Variants in C8orf34 observed in about 807,000 individuals in gnomAD.
The protein encoded by C8orf34 is uncharacterized protein C8orf34.
C8orf34 carries 65 observed loss-of-function variants against 68.3 expected under a neutral mutation model. The observed-to-expected ratio is 0.95, with a 90% confidence interval of 0.78 to 1.17. The LOEUF (loss-of-function observed/expected upper bound fraction) is 1.17. C8orf34 is among the 50% of genes most tolerant of loss of function. C8orf34 has a pLI of 0.00. For synonymous variants in C8orf34, 244 were observed against 241.2 expected, an observed-to-expected ratio of 1.01 and a Z score of -0.11; for missense variants, 664 against 655.4, an observed-to-expected ratio of 1.01 and a Z score of -0.14.
At chr8:68,614,981 G>C (rs1399249845) in intron 7 of C8orf34, among the ~76,000 whole-genome samples, 1 of 152,182 alleles carries the variant, frequency 6.6e-6, no homozygotes, top group Non-Finnish European at 1.5e-5. Context: ...GTGGTTTGCA[G>C]TTCTCCTTGA....
intron 5 of C8orf34, among the ~76,000 whole-genome samples, chr8:68,502,078 AT>A (rs1813798441): frequency 6.6e-6 from 1 of 151,910 alleles, no homozygotes; most frequent in South Asian, 2.1e-4. Flanking sequence ...TTGATTGTTT[AT>A]TCGTTTTTTG....
At chr8:68,449,676 A>G (rs1811265583) in intron 3 of C8orf34, among the ~76,000 whole-genome samples, 1 of 152,138 alleles carries the variant, frequency 6.6e-6, no homozygotes, top group Non-Finnish European at 1.5e-5. Context: ...AACAATGTAC[A>G]TATTTTAAAT....
At chr8:68,690,415 A>T (rs889806932) in intron 8 of C8orf34, among the ~76,000 whole-genome samples, 3 of 152,064 alleles carry the variant, frequency 2.0e-5, no homozygotes, top group Non-Finnish European at 4.4e-5. Flanking sequence ...CTGTAACAAA[A>T]TATCTTAGAC....
intron 11 of C8orf34, among the ~76,000 whole-genome samples, chr8:68,785,697 TC>T (rs1430259326): frequency 3.3e-5 from 5 of 152,236 alleles, no homozygotes; most frequent in African/African-American, 1.2e-4. Flanking sequence ...TGATTTTTTT[TC>T]ATTTGCATAC....
intron 1 of C8orf34, among the ~76,000 whole-genome samples, chr8:68,383,476 A>C (rs1808129798): frequency 6.6e-6 from 1 of 152,150 alleles, no homozygotes; most frequent in Admixed American, 6.5e-5. Flanking sequence ...TAAAGTTCAT[A>C]GTTTTCATGT....
intron 1 of C8orf34, among the ~76,000 whole-genome samples, chr8:68,352,767 G>A (rs537171258): frequency 1.6e-4 from 25 of 152,214 alleles, no homozygotes; most frequent in African/African-American, 5.8e-4. Flanking sequence ...ATGTATTTTA[G>A]AGAAATATTT....
chr8:68,643,598 T>A (rs1819077868), intron 8 of C8orf34, among the ~76,000 whole-genome samples: 1 of 152,132 alleles, frequency 6.6e-6, no homozygotes, highest in Non-Finnish European at 1.5e-5. Flanking sequence ...TAGATGGCTG[T>A]CTTCTCATGG....
intron 4 of C8orf34, among the ~76,000 whole-genome samples, chr8:68,471,818 T>C (rs900113405): frequency 1.3e-5 from 2 of 152,028 alleles, no homozygotes; most frequent in African/African-American, 4.8e-5. Context: ...CTACATGTTT[T>C]AGAAGTATTA....
chr8:68,596,062 C>G (rs1306602168), intron 7 of C8orf34, among the ~76,000 whole-genome samples: 1 of 152,040 alleles, frequency 6.6e-6, no homozygotes, highest in Non-Finnish European at 1.5e-5. Flanking sequence ...TTGGTACAGA[C>G]TATTCTGTTT....
intron 7 of C8orf34, among the ~76,000 whole-genome samples, chr8:68,577,132 T>C (rs1003716516): frequency 6.6e-6 from 1 of 152,008 alleles, no homozygotes; most frequent in Non-Finnish European, 1.5e-5. Flanking sequence ...CTTTGTGCCG[T>C]GGCAGTAACC....
chr8:68,583,725 A>G (rs1166925073), intron 7 of C8orf34, among the ~76,000 whole-genome samples: 1 of 152,200 alleles, frequency 6.6e-6, no homozygotes, highest in Non-Finnish European at 1.5e-5. Context: ...AAATATTTAA[A>G]TGGCGAAAGA....
chr8:68,517,708 C>T (rs1321199517), intron 5 of C8orf34, among the ~76,000 whole-genome samples: 2 of 152,156 alleles, frequency 1.3e-5, no homozygotes, highest in Non-Finnish European at 2.9e-5. Flanking sequence ...ATACCCAACT[C>T]TAAAACCTTT....
intron 6 of C8orf34, among the ~76,000 whole-genome samples, chr8:68,528,134 G>C (rs1815092187): frequency 6.6e-6 from 1 of 152,114 alleles, no homozygotes; most frequent in Admixed American, 6.5e-5. Context: ...TAGCTTTGCT[G>C]CATTGGTTAA....
intron 8 of C8orf34, among the ~76,000 whole-genome samples, chr8:68,676,301 T>A (rs1820188174): frequency 1.3e-5 from 2 of 152,004 alleles, no homozygotes; most frequent in African/African-American, 4.8e-5. Context: ...GCCACTGCAT[T>A]TCAGTTTGGG....
intron 7 of C8orf34, among the ~76,000 whole-genome samples, chr8:68,632,486 A>C (rs2130702723): frequency 6.6e-6 from 1 of 152,336 alleles, no homozygotes; most frequent in Admixed American, 6.5e-5. Context: ...GTAAAAAAGA[A>C]AAACCTATCT....
chr8:68,706,453 C>T (rs1161147632), intron 8 of C8orf34, among the ~76,000 whole-genome samples: 1 of 152,004 alleles, frequency 6.6e-6, no homozygotes, highest in Non-Finnish European at 1.5e-5. Context: ...GACAGGGAAG[C>T]AGGAGGGGAC....
At chr8:68,338,150 C>G (rs139750960) in intron 1 of C8orf34, among the ~76,000 whole-genome samples, 1 of 152,312 alleles carries the variant, frequency 6.6e-6, no homozygotes, top group African/African-American at 2.4e-5. Context: ...GGCCCTCTTA[C>G]TTTGTCCTCA....
At chr8:68,768,006 G>A (rs1823229751) in intron 10 of C8orf34, among the ~76,000 whole-genome samples, 1 of 152,126 alleles carries the variant, frequency 6.6e-6, no homozygotes, top group African/African-American at 2.4e-5. Flanking sequence ...GGAAAGTAGG[G>A]TACTTGCTTG....
intron 8 of C8orf34, among the ~76,000 whole-genome samples, chr8:68,684,233 A>G (rs1285565722): frequency 6.6e-6 from 1 of 152,138 alleles, no homozygotes; most frequent in Non-Finnish European, 1.5e-5. Context: ...AGCATGCATC[A>G]CTGTGGGCCT....
Sources: gnomAD v4.1 joint callset for allele counts (sites outside exome capture counted in the v4.1 genomes callset) on GRCh38, gnomAD v4.1.1 for gene constraint, MANE v1.5 for transcripts, NCBI Gene and HGNC (gene_info 2026-07-23, HGNC 2026-07-21) for gene names.